TFE3: variants seen among roughly 807,000 people sequenced by gnomAD.
The protein encoded by TFE3 is transcription factor E3.
Under a neutral mutation model 35.0 loss-of-function variants are expected in TFE3, and 5 were observed. That is an observed-to-expected ratio of 0.14 (90% confidence interval 0.07 to 0.30). The LOEUF (loss-of-function observed/expected upper bound fraction) is 0.30. Among genes scored for constraint, TFE3 ranks in the 10% least tolerant of loss-of-function variants. The probability of loss-of-function intolerance (pLI) is 1.00; values close to 1 mark genes in which losing one functional copy is unlikely to be tolerated. For missense variants in TFE3, 374 were observed against 496.6 expected, an observed-to-expected ratio of 0.75 and a Z score of 2.35; for synonymous variants, 211 against 215.6, an observed-to-expected ratio of 0.98 and a Z score of 0.18.
In TFE3 at chrX:49,029,816, G is replaced by A. The variant is rs782694624; in HGVS notation, c.*342C>T. On this transcript the variant is annotated 3_prime_UTR_variant, in exon 10 of 10. Coordinates refer to ENST00000315869, the MANE Select transcript of TFE3 (RefSeq NM_006521.6). ...AGGACAGTCCCTAGGGGACAGGGTCGAGACCTCATCCTGTCTCCTTCCCTC... is the reference window on the plus strand; with the variant it reads ...AGGACAGTCCCTAGGGGACAGGGTCAAGACCTCATCCTGTCTCCTTCCCTC... 8.4e-6 allele frequency: 4 copies of A among 478,173 alleles called. No homozygotes were observed. Among genetic ancestry groups the A allele is most frequent in the East Asian group, 4.1e-5 (1 of 24,389 alleles). 39.4% of individuals were successfully genotyped at this position (478,173 alleles called of 1,213,427 possible). A position where few individuals can be genotyped will look rare whatever the true frequency, so the allele number is the denominator to read the frequency against.
intron 5 of TFE3, among the ~76,000 whole-genome samples, chrX:49,037,141 T>C (rs1262529643): frequency 3.6e-5 from 4 of 110,698 alleles, no homozygotes; most frequent in Non-Finnish European, 5.7e-5. Flanking sequence ...CGGTCTCTAC[T>C]AAAAATACAA....
Position 49,030,396 on chromosome X carries a change from G to A in TFE3, c.1490C>T (p.Ser497Leu). The change falls in exon 10 of 10, where the codon TCA becomes TTA. Residue 497 changes from serine to leucine, a missense_variant. Physicochemically the swap from Ser to Leu is moderately radical, Grantham distance 145. This residue lies in a region of TFE3 where 117 missense variants were observed against 111.9 expected (regional missense o/e 1.05). Coordinates refer to ENST00000315869, the MANE Select transcript of TFE3 (RefSeq NM_006521.6). ...AAAGTGCAGGTCCAGAAGGGCATCTGAGGGCGGTGCAGGGGGCTGCTGATG... is the reference window on the plus strand; with the variant it reads ...AAAGTGCAGGTCCAGAAGGGCATCTAAGGGCGGTGCAGGGGGCTGCTGATG... Reference protein sequence around the residue: ...APHQQPPAPPSDALLDLHFPS... With the variant: ...APHQQPPAPPLDALLDLHFPS... 1 of 1,211,296 alleles carries A rather than the reference G, an allele frequency of 8.3e-7. No homozygotes were observed. Among genetic ancestry groups the A allele is most frequent in the Non-Finnish European group, 1.1e-6 (1 of 895,338 alleles).
rs782658049 is a variant in TFE3, at chrX:49,041,602, G to A, written c.117-1034C>T. 1.6e-4 allele frequency among the ~76,000 whole-genome samples: 18 copies of A among 110,591 alleles called. No homozygotes were observed. The East Asian group carries it at 4.0e-3, about 24-fold the overall frequency. ...CTGCCCAGCCTTCTCCTGTTTTTTT[G>A]GATAGATCAAAACACACACACACCC... On this transcript the variant is annotated intron_variant, in intron 1 of 9. Transcript: ENST00000315869.
At chrX:49,033,148 G>A (rs1221928565) in intron 8 of TFE3, among the ~76,000 whole-genome samples, 3 of 109,772 alleles carry the variant, frequency 2.7e-5, no homozygotes, top group Non-Finnish European at 5.7e-5. Context: ...TTGCACCACT[G>A]CACTCCAGCC....
chrX:49,039,047 C>T, intron 3 of TFE3, 60 bp downstream of exon 3: 1 of 1,087,355 alleles, frequency 9.2e-7, no homozygotes, highest in Non-Finnish European at 1.2e-6. Context: ...ATCCCTAGCT[C>T]CTAGGATCAC....
At chrX:49,042,391 A>G (rs781872256) in intron 1 of TFE3, among the ~76,000 whole-genome samples, 200 of 111,245 alleles carry the variant, frequency 1.8e-3, no homozygotes, top group Middle Eastern at 4.6e-3. Context: ...CTGGCTGTCT[A>G]TCTTCCATTC....
In TFE3 at chrX:49,040,428, G is replaced by C. The variant is rs782669755; in HGVS notation, c.230+27C>G. ...AGAGGAGGGCTGAGGAATTGGGAGGGGAATCAGATAGACAAGTCATACATA... is the reference window on the plus strand; with the variant it reads ...AGAGGAGGGCTGAGGAATTGGGAGGCGAATCAGATAGACAAGTCATACATA... On this transcript the variant is annotated intron_variant, in intron 2 of 9. Coordinates refer to ENST00000315869, the MANE Select transcript of TFE3 (RefSeq NM_006521.6). 4.4e-6 allele frequency: 5 copies of C among 1,129,501 alleles called. No homozygotes were observed. In the East Asian group the frequency reaches 1.5e-4, roughly 34 times the overall value. 93.1% of individuals were successfully genotyped at this position (1,129,501 alleles called of 1,213,427 possible). A position where few individuals can be genotyped will look rare whatever the true frequency, so the allele number is the denominator to read the frequency against.
Position 49,035,179 on chromosome X carries a change from G to A in TFE3, c.886-928C>T, listed in dbSNP as rs1209830. ...TACAAAACAACAAAAAAAATTAGCC[G>A]AGCATGGTGGCCTGCACTTGTAGTC... On this transcript the variant is annotated intron_variant, in intron 5 of 9. Transcript: ENST00000315869. Among the ~76,000 whole-genome samples the A allele has an allele frequency of 7.6e-3, 809 of 106,340 alleles. 4 individuals are homozygous for A. Among genetic ancestry groups the A allele is most frequent in the Non-Finnish European group, 0.012 (598 of 51,626 alleles). The allele number at this position is 106,340 out of a possible 115,157, so 92.3% of individuals were successfully genotyped here. A position where few individuals can be genotyped will look rare whatever the true frequency, so the allele number is the denominator to read the frequency against.
chrX:49,031,653 T>C, intron 8 of TFE3, 109 bp from the exon 9 acceptor site: 1 of 890,007 alleles, frequency 1.1e-6, no homozygotes. Context: ...GCTTAGAACT[T>C]GAGGCTGGGG....
chrX:49,038,206 T>C lies in TFE3; in HGVS notation c.771A>G (p.Ser257=). ...PMALLTIGSS[S]EKEIDDVIDE... ...GGCTGTAGCCTCTTACCTCCTTCTCTGAGCTGGACCCGATGGTGAGCAGCG... is the reference window on the plus strand; with the variant it reads ...GGCTGTAGCCTCTTACCTCCTTCTCCGAGCTGGACCCGATGGTGAGCAGCG... The change falls in exon 4 of 10, where the codon TCA becomes TCG. Residue 257 remains serine, a synonymous_variant. Transcript: ENST00000315869. 1 of 1,212,080 alleles carries C rather than the reference T, an allele frequency of 8.3e-7. No individual in the cohort carries two copies. Among genetic ancestry groups the C allele is most frequent in the Non-Finnish European group, 1.1e-6 (1 of 895,607 alleles).
In TFE3 at chrX:49,030,161, G is replaced by A. The variant is rs1353113700; in HGVS notation, c.1725C>T (p.Ser575=). The change falls in exon 10 of 10, where the codon TCC becomes TCT. Residue 575 remains serine, a synonymous_variant. Transcript: ENST00000315869. ...RRSSFSMEEE[S] ...CCAGGGGAGGGGTGAGGCCTGATCA[G>A]GACTCCTCTTCCATGCTGAAGCTGC... 3.3e-6 allele frequency: 4 copies of A among 1,206,916 alleles called. No individual in the cohort carries two copies. In the African/African-American group the frequency reaches 6.9e-5, roughly 21 times the overall value.
chrX:49,033,386 G>A, intron 8 of TFE3, 79 bp downstream of exon 8: 2 of 967,727 alleles, frequency 2.1e-6, no homozygotes, highest in Non-Finnish European at 2.9e-6. Flanking sequence ...TGCCTGGTGA[G>A]CCCACCAAGG....
chrX:49,039,151 A>G lies in TFE3; in HGVS notation c.490T>C (p.Leu164=), dbSNP rs1557075267. 3 of 1,193,145 alleles carry G rather than the reference A, an allele frequency of 2.5e-6. No individual in the cohort carries two copies. Among genetic ancestry groups the G allele is most frequent in the South Asian group, 1.8e-5 (1 of 54,848 alleles). ...VVGVSAGGHT[L]SRPPPAQVPR... Reference sequence around the variant, plus strand: ...ACCTGAGCAGGGGGTGGACGGCTCAATGTGTGGCCCCCAGCAGAGACGCCA... The same window carrying G: ...ACCTGAGCAGGGGGTGGACGGCTCAGTGTGTGGCCCCCAGCAGAGACGCCA... Residue 164 remains leucine, a synonymous_variant, in exon 3 of 10, where the codon TTG becomes CTG. Coordinates refer to ENST00000315869, the MANE Select transcript of TFE3 (RefSeq NM_006521.6).
rs1557073497 is a variant in TFE3, at chrX:49,030,365, G to C, written c.1521C>G (p.Ser507Arg). Residue 507 changes from serine (S) to arginine (R), a missense_variant, in exon 10 of 10, where the codon AGC becomes AGG. Physicochemically the swap from Ser to Arg is moderately radical, Grantham distance 110. Around this residue, in one of 3 missense-constraint regions of TFE3, gnomAD observed 117 missense variants for 111.9 expected, o/e 1.05. Coordinates refer to ENST00000315869, the MANE Select transcript of TFE3 (RefSeq NM_006521.6). ...GGTCTCCCAGGTCCCCCAGGTGGTC[G>C]CTGGGAAAGTGCAGGTCCAGAAGGG... Reference protein sequence around the residue: ...SDALLDLHFPSDHLGDLGDPF... With the variant: ...SDALLDLHFPRDHLGDLGDPF... 1 of 1,209,457 alleles carries C rather than the reference G, an allele frequency of 8.3e-7. No homozygotes were observed. Among genetic ancestry groups the C allele is most frequent in the African/African-American group, 1.7e-5 (1 of 57,174 alleles).
rs1557073433 is a variant in TFE3 at position 49,030,135 on chromosome X, C to A, written c.*23G>T. ...GTCCTCCTTTCCTGGGTGGGAAAGT[C>A]CCAGGGGAGGGGTGAGGCCTGATCA... On this transcript the variant is annotated 3_prime_UTR_variant, in exon 10 of 10. Transcript: ENST00000315869. 8.4e-7 allele frequency: 1 copy of A among 1,193,047 alleles called. No individual in the cohort carries two copies. The highest frequency in any genetic ancestry group is 1.1e-6 in the Non-Finnish European group (1 of 887,216).
chrX:49,033,681 C>A (rs2064712375), intron 7 of TFE3, 45 bp downstream of exon 7: 1 of 1,201,544 alleles, frequency 8.3e-7, no homozygotes, highest in Non-Finnish European at 1.1e-6. Flanking sequence ...CGGGGTGAGG[C>A]AGGCCTGCAC....
intron 8 of TFE3, 91 bp from the exon 9 acceptor site, chrX:49,031,635 C>T: frequency 1.0e-6 from 1 of 981,340 alleles, no homozygotes; most frequent in South Asian, 2.5e-5. Context: ...GGGAGCCTCC[C>T]ACCACATGCT....
chrX:49,033,456 C>G lies in TFE3; in HGVS notation c.1136+9G>C, dbSNP rs2064710991. ...TCCCGCTGGCCTGAGGGTCCCAGCC[C>G]AGACTCACGGGTCACTGGACTTAGG... On this transcript the variant is annotated intron_variant, in intron 8 of 9. Coordinates refer to ENST00000315869, the MANE Select transcript of TFE3 (RefSeq NM_006521.6). 1 of 1,210,182 alleles carries G rather than the reference C, an allele frequency of 8.3e-7. No individual in the cohort carries two copies. Among genetic ancestry groups the G allele is most frequent in the East Asian group, 3.0e-5 (1 of 33,836 alleles).
At chrX:49,041,558 C>A in intron 1 of TFE3, among the ~76,000 whole-genome samples, 1 of 111,418 alleles carries the variant, frequency 9.0e-6, no homozygotes, top group East Asian at 2.8e-4. Context: ...TACAAGCATT[C>A]TTTTCTTACC....
Sources: gnomAD v4.1 joint callset for allele counts (sites outside exome capture counted in the v4.1 genomes callset) on GRCh38, gnomAD v4.1.1 for gene constraint, gnomAD v4.1.1 regional missense constraint, MANE v1.5 for transcripts, NCBI Gene and HGNC (gene_info 2026-07-23, HGNC 2026-07-21) for gene names.